The following PDE8B variants were observed in gnomAD, a reference collection of about 807,000 sequenced individuals.
PDE8B encodes the protein phosphodiesterase 8B.
Under a neutral mutation model 101.3 loss-of-function variants are expected in PDE8B, and 26 were observed. The ratio of observed to expected loss-of-function variants is 0.26; its 90% CI spans 0.19 to 0.36. PDE8B has a LOEUF of 0.36. Ranked by LOEUF, PDE8B falls within the 10% of genes least tolerant of loss-of-function variation. PDE8B has a pLI of 1.00. For missense variants in PDE8B, 810 were observed against 1,163.1 expected, an observed-to-expected ratio of 0.70 and a Z score of 4.42; for synonymous variants, 424 against 429.3, an observed-to-expected ratio of 0.99 and a Z score of 0.15.
intron 1 of PDE8B, among the ~76,000 whole-genome samples, chr5:77,216,954 C>T (rs1202502215): frequency 2.0e-5 from 3 of 152,178 alleles, no homozygotes; most frequent in Admixed American, 1.3e-4. Flanking sequence ...CTGGAGCTAC[C>T]TCGGTATAGA....
intron 19 of PDE8B, among the ~76,000 whole-genome samples, chr5:77,420,188 T>G (rs549144438): frequency 7.9e-5 from 12 of 152,244 alleles, no homozygotes; most frequent in African/African-American, 9.6e-5. Context: ...ATGGTGGTAT[T>G]TTAGAGAATC....
intron 19 of PDE8B, among the ~76,000 whole-genome samples, chr5:77,420,650 G>A (rs1023263689): frequency 6.6e-6 from 1 of 152,208 alleles, no homozygotes; most frequent in Non-Finnish European, 1.5e-5. Context: ...GAGTGACAGT[G>A]TCTACCTCAC....
chr5:77,240,444 C>G (rs1277718305), intron 1 of PDE8B, among the ~76,000 whole-genome samples: 1 of 152,204 alleles, frequency 6.6e-6, no homozygotes, highest in Non-Finnish European at 1.5e-5. Flanking sequence ...TGAGCCACCG[C>G]GCCCGGCCAA....
At chr5:77,160,809 C>G in the PDE8B span, among the ~76,000 whole-genome samples, 2 of 151,816 alleles carry the variant, frequency 1.3e-5, no homozygotes, top group African/African-American at 4.8e-5. Context: ...GGCCACCATG[C>G]CTGGATATTT....
At chr5:77,097,266 C>A in the PDE8B span, among the ~76,000 whole-genome samples, 1 of 152,096 alleles carries the variant, frequency 6.6e-6, no homozygotes, top group Admixed American at 6.6e-5. Flanking sequence ...GTGGGAGAGA[C>A]TGACTGGGAA....
the PDE8B span, among the ~76,000 whole-genome samples, chr5:77,133,304 C>T: frequency 1.3e-5 from 2 of 152,170 alleles, no homozygotes; most frequent in African/African-American, 4.8e-5. Flanking sequence ...CCCTCCTGGC[C>T]AAGCTCAGCC....
At chr5:77,108,449 C>T in the PDE8B span, among the ~76,000 whole-genome samples, 5 of 152,104 alleles carry the variant, frequency 3.3e-5, no homozygotes, top group African/African-American at 7.2e-5. Context: ...TTTGGAAGGC[C>T]GAAGCAGGCA....
chr5:77,315,438 A>G (rs1773601537), intron 2 of PDE8B, among the ~76,000 whole-genome samples: 1 of 152,114 alleles, frequency 6.6e-6, no homozygotes, highest in Non-Finnish European at 1.5e-5. Flanking sequence ...AATTGCTTTG[A>G]GGCCTTTGCT....
chr5:77,368,853 T>C (rs954074641), intron 10 of PDE8B, among the ~76,000 whole-genome samples: 2 of 152,058 alleles, frequency 1.3e-5, no homozygotes, highest in African/African-American at 2.4e-5. Context: ...TACTCAGATA[T>C]ATGGAAACAG....
rs146057691 is a variant in PDE8B, at chr5:77,367,651, C to A, written c.1167+14245C>A. ...GTTCAAGCGATTCTCCTGCCTCAGC[C>A]TCCCAAGTAGCTGGGACTACAGGCA... On this transcript the variant is annotated intron_variant, in intron 10 of 21. Transcript: ENST00000264917. Among the ~76,000 whole-genome samples the A allele has an allele frequency of 5.1e-3, 774 of 151,886 alleles. 5 individuals are homozygous for A. The highest frequency in any genetic ancestry group is 0.018 in the African/African-American group (754 of 41,434).
At chr5:77,142,650 G>A in the PDE8B span, among the ~76,000 whole-genome samples, 1 of 152,106 alleles carries the variant, frequency 6.6e-6, no homozygotes, top group Admixed American at 6.5e-5. Context: ...ATTCAGAAAG[G>A]GGGAAAGGAG....
At chr5:77,204,283 C>T in the PDE8B span, among the ~76,000 whole-genome samples, 3 of 151,682 alleles carry the variant, frequency 2.0e-5, no homozygotes, top group Non-Finnish European at 4.4e-5. Context: ...TGGTGGCATG[C>T]ACCTGTATTC....
At chr5:77,273,808 T>A (rs938499843) in intron 1 of PDE8B, among the ~76,000 whole-genome samples, 19 of 152,072 alleles carry the variant, frequency 1.2e-4, no homozygotes, top group Admixed American at 3.3e-4. Context: ...TCTGTTTTTT[T>A]TTTATTTATT....
In PDE8B at chr5:77,273,458, A is replaced by T. The variant is rs6865817; in HGVS notation, c.340-38536A>T. 9.9e-3 allele frequency among the ~76,000 whole-genome samples: 1,512 copies of T among 152,366 alleles called. 23 individuals carry two copies. The highest frequency in any genetic ancestry group is 0.035 in the African/African-American group (1,440 of 41,588). On this transcript the variant is annotated intron_variant, in intron 1 of 21. Coordinates refer to ENST00000264917, the MANE Select transcript of PDE8B (RefSeq NM_003719.5). Reference sequence around the variant, plus strand: ...GAAAATGCTTTTGAGAGATGCAGTTATGAACTAGCAATCGCCCTTGTCCTT... The same window carrying T: ...GAAAATGCTTTTGAGAGATGCAGTTTTGAACTAGCAATCGCCCTTGTCCTT...
At chr5:77,382,791 T>A (rs1787753295) in intron 10 of PDE8B, among the ~76,000 whole-genome samples, 4 of 152,216 alleles carry the variant, frequency 2.6e-5, no homozygotes, top group African/African-American at 9.6e-5. Context: ...CTGCATAGTA[T>A]TCCATGGTTC....
chr5:77,143,859 A>ATTTTTTTTTTTTTTTTTTTTTTT, the PDE8B span: 5 of 115,182 alleles, frequency 4.3e-5, no homozygotes, highest in Non-Finnish European at 7.1e-5. Flanking sequence ...TTCTTGAGGG[A>ATTTTTTTTTTTTTTTTTTTTTTT]TTTTTTTTTT....
chr5:77,425,571 T>C (rs1219002211), intron 20 of PDE8B, among the ~76,000 whole-genome samples, 196 bp from the exon 21 acceptor site: 1 of 151,944 alleles, frequency 6.6e-6, no homozygotes, highest in Non-Finnish European at 1.5e-5. Flanking sequence ...AAAAAGAGGC[T>C]TGAGAGTGGG....
intron 10 of PDE8B, among the ~76,000 whole-genome samples, chr5:77,396,296 C>T (rs1791047606): frequency 6.6e-6 from 1 of 152,204 alleles, no homozygotes; most frequent in Admixed American, 6.5e-5. Context: ...TCATTATTTT[C>T]CCCTTTGTAG....
chr5:77,202,415 C>A, the PDE8B span, among the ~76,000 whole-genome samples: 1 of 152,162 alleles, frequency 6.6e-6, no homozygotes, highest in South Asian at 2.1e-4. Flanking sequence ...GCTTACTTAA[C>A]ATGAAGATGA....
Sources: gnomAD v4.1 joint callset for allele counts (sites outside exome capture counted in the v4.1 genomes callset) on GRCh38, gnomAD v4.1.1 for gene constraint, MANE v1.5 for transcripts, NCBI Gene and HGNC (gene_info 2026-07-23, HGNC 2026-07-21) for gene names.